Variants in TTC13 observed in about 807,000 individuals in gnomAD.
TTC13 encodes the protein tetratricopeptide repeat protein 13.
Under a neutral mutation model 120.0 loss-of-function variants are expected in TTC13, and 62 were observed. The ratio of observed to expected loss-of-function variants is 0.52; its 90% CI spans 0.42 to 0.64. The LOEUF is 0.64. Among genes scored for constraint, TTC13 ranks in the 30% least tolerant of loss-of-function variants. The pLI, the probability that TTC13 is intolerant of heterozygous loss-of-function variation, is 0.00. For missense variants in TTC13, 824 were observed against 1,050.2 expected (o/e 0.78, Z 2.98); for synonymous variants, 384 against 393.5 (o/e 0.98, Z 0.28).
intron 11 of TTC13, 91 bp from the exon 12 acceptor site, chr1:230,929,184 T>C (rs1274465387): frequency 7.6e-7 from 1 of 1,309,586 alleles, no homozygotes; most frequent in Non-Finnish European, 1.1e-6. Flanking sequence ...TGTAACAAGC[T>C]GTTCTTCAAT....
In TTC13 at chr1:230,940,338, A is replaced by G. The variant is rs1674425453; in HGVS notation, c.789+102T>C. The G allele has an allele frequency of 2.8e-6, 2 of 721,060 alleles. No individual in the cohort carries two copies. Among genetic ancestry groups the G allele is most frequent in the Non-Finnish European group, 4.7e-6 (2 of 426,632 alleles). 44.7% of individuals were successfully genotyped at this position (721,060 alleles called of 1,614,324 possible). On this transcript the variant is annotated intron_variant, in intron 7 of 22. Transcript: ENST00000366661. The surrounding 1 kb of genome is among the most constrained non-coding windows in gnomAD (Gnocchi z 4.1). ...ACTCTTATGACACAGACATATTACT[A>G]AACAGTCAAAGCCCAAATCTATCAA...
At chr1:230,956,965 T>C (rs1370551207) in intron 3 of TTC13, among the ~76,000 whole-genome samples, 2 of 152,146 alleles carry the variant, frequency 1.3e-5, no homozygotes, top group African/African-American at 2.4e-5. Flanking sequence ...CAAAAGATCA[T>C]AGGCCAGCTC....
rs147825684 is a variant in TTC13, at chr1:230,920,514, A to G, written c.1979T>C (p.Met660Thr). 5.6e-6 allele frequency: 9 copies of G among 1,610,362 alleles called. No homozygotes were observed. Among genetic ancestry groups the G allele is most frequent in the Non-Finnish European group, 6.8e-6 (8 of 1,177,474 alleles). The part of the protein sequence containing the change: ...VHKVEDLLPI[M>T]KQFNTKTKDG... ...CCATTCTGATGCTAAAGTTACCTTC[A>G]TAATCGGAAGAAGGTCTTCTACTTT... Residue 660 changes from methionine (M) to threonine (T), a missense_variant, in exon 17 of 23, where the codon ATG becomes ACG. Physicochemically the swap from Met to Thr is moderately conservative, Grantham distance 81. Transcript: ENST00000366661.
At chr1:230,976,755 C>A (rs958691176) in intron 1 of TTC13, among the ~76,000 whole-genome samples, 4 of 152,202 alleles carry the variant, frequency 2.6e-5, no homozygotes, top group African/African-American at 9.7e-5. Flanking sequence ...CAGTGTTCAT[C>A]CTCCAGGGAA....
intron 1 of TTC13, among the ~76,000 whole-genome samples, chr1:230,966,709 T>C (rs1262587084): frequency 6.6e-6 from 1 of 152,178 alleles, no homozygotes; most frequent in African/African-American, 2.4e-5. Flanking sequence ...AGTCAGAAGA[T>C]ATGGCCTGGT....
chr1:230,907,479 G>T (rs569568199), intron 22 of TTC13, among the ~76,000 whole-genome samples: 1 of 152,366 alleles, frequency 6.6e-6, no homozygotes, highest in East Asian at 1.9e-4. Flanking sequence ...ACTGCAGGAT[G>T]TAAGGTAGCA....
At chr1:230,929,659 A>C (rs757686396) in intron 11 of TTC13, among the ~76,000 whole-genome samples, 4 of 151,988 alleles carry the variant, frequency 2.6e-5, no homozygotes, top group African/African-American at 4.8e-5. Context: ...ACCACTAAAA[A>C]TCTCATTGTT....
chr1:230,914,461 C>A (rs1671822239), intron 18 of TTC13, among the ~76,000 whole-genome samples: 1 of 152,060 alleles, frequency 6.6e-6, no homozygotes. Flanking sequence ...GTGGCATGAT[C>A]TCGGCTCACT....
chr1:230,948,627 A>G (rs1382895574), intron 4 of TTC13, among the ~76,000 whole-genome samples: 4 of 152,016 alleles, frequency 2.6e-5, no homozygotes, highest in African/African-American at 7.3e-5. Context: ...ACCTGAGGCT[A>G]TAGGAGTGCA....
intron 2 of TTC13, among the ~76,000 whole-genome samples, chr1:230,960,084 T>C (rs1676477537): frequency 6.6e-6 from 1 of 152,232 alleles, no homozygotes. Context: ...ACCAACACTA[T>C]CTGGCTTATT....
At chr1:230,953,781 A>G (rs1462236180) in intron 4 of TTC13, among the ~76,000 whole-genome samples, 1 of 152,220 alleles carries the variant, frequency 6.6e-6, no homozygotes, top group Non-Finnish European at 1.5e-5. Context: ...TTATACATGC[A>G]GTGCTTAAAT....
At chr1:230,949,804 C>G (rs556554606) in intron 4 of TTC13, among the ~76,000 whole-genome samples, 1 of 152,272 alleles carries the variant, frequency 6.6e-6, no homozygotes, top group South Asian at 2.1e-4. Context: ...AGCCACCATG[C>G]CCAGCTAATT....
chr1:230,928,814 C>T, intron 12 of TTC13, 123 bp downstream of exon 12: 1 of 913,682 alleles, frequency 1.1e-6, no homozygotes, highest in Non-Finnish European at 1.6e-6. Flanking sequence ...CTTGATTGAA[C>T]TCCTGGCCCC....
chr1:230,928,827 G>T, intron 12 of TTC13, 110 bp downstream of exon 12: 1 of 1,036,768 alleles, frequency 9.6e-7, no homozygotes, highest in Non-Finnish European at 1.4e-6. Context: ...CTGGCCCCAG[G>T]CAATTCTACC....
chr1:230,973,787 G>A (rs1357786377), intron 1 of TTC13, among the ~76,000 whole-genome samples: 2 of 152,172 alleles, frequency 1.3e-5, no homozygotes, highest in Non-Finnish European at 2.9e-5. Context: ...TTGGTAAGAA[G>A]AGCAGAGGGG....
chr1:230,923,418 GA>G (rs1365360236), intron 15 of TTC13, among the ~76,000 whole-genome samples: 1 of 151,514 alleles, frequency 6.6e-6, no homozygotes. Flanking sequence ...TGTTGGGGTG[GA>G]ATGGGGAGCC....
chr1:230,922,876 A>C (rs530346142), intron 15 of TTC13, among the ~76,000 whole-genome samples: 11 of 152,330 alleles, frequency 7.2e-5, no homozygotes, highest in African/African-American at 2.6e-4. Context: ...CACACAGCAC[A>C]GCACAGCACA....
At chr1:230,945,764 C>T (rs1674934470) in intron 4 of TTC13, among the ~76,000 whole-genome samples, 2 of 152,152 alleles carry the variant, frequency 1.3e-5, no homozygotes, top group Admixed American at 1.3e-4. Flanking sequence ...ACAACTCTGG[C>T]AGCATCAGCA....
Position 230,940,745 on chromosome 1 carries a change from T to A in TTC13, c.673-189A>T, listed in dbSNP as rs562083540. On this transcript the variant is annotated intron_variant, in intron 6 of 22. Coordinates refer to ENST00000366661, the MANE Select transcript of TTC13 (RefSeq NM_024525.5). This position sits in a 1 kb window ranked among gnomAD's most constrained non-coding sequence, Gnocchi z 4.1. ...CCAGCTGAGGTGCCACTAATCTTTGTCCAGTCAAGCAGGAGGCTGATGAAC... is the reference window on the plus strand; with the variant it reads ...CCAGCTGAGGTGCCACTAATCTTTGACCAGTCAAGCAGGAGGCTGATGAAC... 9.9e-5 allele frequency among the ~76,000 whole-genome samples: 15 copies of A among 152,254 alleles called. No homozygotes were observed.
Sources: gnomAD v4.1 joint callset for allele counts (sites outside exome capture counted in the v4.1 genomes callset) on GRCh38, gnomAD v4.1.1 for gene constraint, Gnocchi (gnomAD v3.1) non-coding constraint, MANE v1.5 for transcripts, NCBI Gene and HGNC (gene_info 2026-07-23, HGNC 2026-07-21) for gene names.